The following NPHP1 variants were observed in gnomAD, a reference collection of about 807,000 sequenced individuals.
NPHP1 encodes nephrocystin 1.
Under a neutral mutation model 90.4 loss-of-function variants are expected in NPHP1, and 70 were observed. The ratio of observed to expected loss-of-function variants is 0.77; its 90% confidence interval spans 0.64 to 0.95. The LOEUF (loss-of-function observed/expected upper bound fraction) is 0.95. Ranked by LOEUF, NPHP1 falls within the 40% of genes least tolerant of loss-of-function variation. The probability of loss-of-function intolerance (pLI) is 0.00; values close to 1 mark genes in which losing one functional copy is unlikely to be tolerated. For missense variants in NPHP1, 764 were observed against 795.9 expected (o/e 0.96, Z 0.48); for synonymous variants, 256 against 271.7 (o/e 0.94, Z 0.57).
At chr2:110,142,918 C>A (rs1394642127) in intron 16 of NPHP1, among the ~76,000 whole-genome samples, 1 of 152,098 alleles carries the variant, frequency 6.6e-6, no homozygotes, top group Non-Finnish European at 1.5e-5. Context: ...ATTACTGGCA[C>A]ATGCAATGGC....
chr2:110,166,642 A>G (rs562216759), intron 6 of NPHP1, among the ~76,000 whole-genome samples: 1 of 152,288 alleles, frequency 6.6e-6, no homozygotes, highest in Admixed American at 6.5e-5. Flanking sequence ...ACTGGATAGG[A>G]TCTTAACCAA....
At chr2:110,203,674 A>G (rs972107942) in intron 1 of NPHP1, among the ~76,000 whole-genome samples, 3 of 152,166 alleles carry the variant, frequency 2.0e-5, no homozygotes, top group Non-Finnish European at 4.4e-5. Flanking sequence ...AATTTTACTC[A>G]GTGGAAAAAT....
chr2:110,178,632 G>A, intron 3 of NPHP1, 85 bp from the exon 4 acceptor site: 1 of 1,255,114 alleles, frequency 8.0e-7, no homozygotes, highest in South Asian at 1.4e-5. Flanking sequence ...TCCAATAAGT[G>A]CTATATAACA....
intron 2 of NPHP1, among the ~76,000 whole-genome samples, chr2:110,191,920 A>ACTCCAACAGACCTGCAGCTGAGGGTC (rs1323677717): frequency 2.0e-5 from 3 of 151,454 alleles, no homozygotes; most frequent in African/African-American, 7.3e-5. Context: ...CCTCCGGCAA[A>ACTCCAACAGACCTGCAGCTGAGGGTC]CTCCAACAGA....
Position 110,125,689 on chromosome 2 carries a change from G to A in NPHP1, c.1717-8C>T, listed in dbSNP as rs41295841. ...TTTTCCAGCCCACGAACTCTAAAGA[G>A]CAAACAGAAATATTATGTTAGTCCA... is the stretch of plus-strand genomic sequence containing the variant. On this transcript the variant is annotated splice_polypyrimidine_tract_variant and splice_region_variant and intron_variant, in intron 18 of 19. Transcript: ENST00000445609. The A allele has an allele frequency of 5.6e-6, 9 of 1,611,992 alleles. No homozygotes were observed. Among genetic ancestry groups the A allele is most frequent in the East Asian group, 2.2e-5 (1 of 44,846 alleles).
chr2:110,164,575 G>A (rs1197067274), intron 8 of NPHP1, 113 bp downstream of exon 8: 1 of 1,603,142 alleles, frequency 6.2e-7, no homozygotes, highest in Non-Finnish European at 8.5e-7. Flanking sequence ...TACATTCCAT[G>A]CCCTGAACCC....
chr2:110,199,278 C>G (rs1041228358), intron 2 of NPHP1, among the ~76,000 whole-genome samples: 1 of 151,770 alleles, frequency 6.6e-6, no homozygotes, highest in African/African-American at 2.4e-5. Flanking sequence ...ACTAAAAATA[C>G]AAAAAATTAG....
Position 110,179,623 on chromosome 2 carries a change from C to T in NPHP1, c.204+1G>A. 7.6e-7 allele frequency: 1 copy of T among 1,309,170 alleles called. No individual in the cohort carries two copies. The highest frequency in any genetic ancestry group is 1.4e-5 in the African/African-American group (1 of 69,096). The allele number at this position is 1,309,170 out of a possible 1,614,324, so 81.1% of individuals were successfully genotyped here. A position where few individuals can be genotyped will look rare whatever the true frequency, so the allele number is the denominator to read the frequency against. On this transcript the variant is annotated splice_donor_variant, in intron 3 of 19. Coordinates refer to ENST00000445609, the MANE Select transcript of NPHP1 (RefSeq NM_001128178.3). LOFTEE classifies it high-confidence loss of function. Reference sequence around the variant, plus strand: ...ATAATGTGATTAACCTCAATACTTACTTTGCTTAATTTTTGAAGAGCATTT... The same window carrying T: ...ATAATGTGATTAACCTCAATACTTATTTTGCTTAATTTTTGAAGAGCATTT...
intron 5 of NPHP1, 112 bp from the exon 6 acceptor site, chr2:110,168,665 T>C (rs1454058297): frequency 2.7e-6 from 2 of 747,936 alleles, no homozygotes; most frequent in Admixed American, 4.3e-5. Context: ...CTTTTTTTAA[T>C]CCAATATTTA....
At chr2:110,163,199 T>G in intron 8 of NPHP1, 64 bp from the exon 9 acceptor site, 2 of 1,151,326 alleles carry the variant, frequency 1.7e-6, no homozygotes, top group Non-Finnish European at 2.6e-6. Flanking sequence ...TATAATACTT[T>G]ATCACTAGAG....
At chr2:110,132,141 A>G (rs1679832484) in intron 16 of NPHP1, among the ~76,000 whole-genome samples, 1 of 152,204 alleles carries the variant, frequency 6.6e-6, no homozygotes. Context: ...TGTGGCTGCC[A>G]TGCCTGATTT....
chr2:110,201,078 C>T (rs1187152855), intron 2 of NPHP1, among the ~76,000 whole-genome samples: 1 of 151,966 alleles, frequency 6.6e-6, no homozygotes, highest in East Asian at 1.9e-4. Context: ...ACCTAGAAAA[C>T]AGTGTTGTCT....
chr2:110,178,885 T>C (rs1683691375), intron 3 of NPHP1: 3 of 201,158 alleles, frequency 1.5e-5, no homozygotes, highest in Non-Finnish European at 3.0e-5. Context: ...CTGCCACTTA[T>C]TGACAGAAGA....
intron 6 of NPHP1, among the ~76,000 whole-genome samples, chr2:110,167,079 A>C (rs1215003951): frequency 6.6e-6 from 1 of 152,178 alleles, no homozygotes; most frequent in African/African-American, 2.4e-5. Context: ...ATTAAAAATA[A>C]TTCTACCTGT....
intron 6 of NPHP1, among the ~76,000 whole-genome samples, chr2:110,167,842 G>A (rs922546488): frequency 7.9e-5 from 12 of 152,084 alleles, no homozygotes; most frequent in African/African-American, 1.7e-4. Flanking sequence ...TGCTGACACC[G>A]GTTGGTGTAG....
intron 15 of NPHP1, 116 bp downstream of exon 15, chr2:110,144,377 T>C: frequency 1.4e-6 from 1 of 696,280 alleles, no homozygotes; most frequent in Non-Finnish European, 2.6e-6. Context: ...AATGACATAT[T>C]TTTAAAAGTG....
chr2:110,193,935 A>C (rs919422552), intron 2 of NPHP1, among the ~76,000 whole-genome samples: 2 of 152,204 alleles, frequency 1.3e-5, no homozygotes, highest in Non-Finnish European at 2.9e-5. Context: ...TGAAGGCAGA[A>C]ATAAAGATGT....
In NPHP1 at chr2:110,129,168, G is replaced by T; in HGVS notation, c.1716+18C>A. On this transcript the variant is annotated intron_variant, in intron 18 of 19. Transcript: ENST00000445609. ...TTCCATAAGCCAGCAGGTTTCCATT[G>T]CAATGCATGCTACCCACCCTGAGAG... 1 of 1,599,602 alleles carries T rather than the reference G, an allele frequency of 6.3e-7. No homozygotes were observed. Among genetic ancestry groups the T allele is most frequent in the Non-Finnish European group, 8.6e-7 (1 of 1,167,760 alleles).
chr2:110,124,216 AT>A, intron 19 of NPHP1, 153 bp from the exon 20 acceptor site: 1 of 793,804 alleles, frequency 1.3e-6, no homozygotes, highest in South Asian at 1.5e-5. Context: ...CAGGCAGGAC[AT>A]GGCACTTCAG....
Sources: gnomAD v4.1 joint callset for allele counts (sites outside exome capture counted in the v4.1 genomes callset) on GRCh38, gnomAD v4.1.1 for gene constraint, MANE v1.5 for transcripts, NCBI Gene and HGNC (gene_info 2026-07-23, HGNC 2026-07-21) for gene names.